The following RNF216 variants were observed in gnomAD, a reference collection of about 807,000 sequenced individuals.
The protein encoded by RNF216 is E3 ubiquitin-protein ligase RNF216.
Under a neutral mutation model 110.8 loss-of-function variants are expected in RNF216, and 72 were observed. The observed-to-expected ratio is 0.65, with a 90% CI of 0.54 to 0.79. The LOEUF (loss-of-function observed/expected upper bound fraction) is 0.79. Among genes scored for constraint, RNF216 ranks in the 30% least tolerant of loss-of-function variants. RNF216 has a pLI of 0.00. For synonymous variants in RNF216, 495 were observed against 407.5 expected (o/e 1.21, Z -2.59); for missense variants, 1,342 against 1,141.2 (o/e 1.18, Z -2.54).
At chr7:5,712,961 A>T (rs1792812117) in intron 11 of RNF216, 98 bp from the exon 12 acceptor site, 3 of 1,083,220 alleles carry the variant, frequency 2.8e-6, no homozygotes, top group Non-Finnish European at 3.9e-6. Context: ...GAGACAACAT[A>T]GCAAGGATCT....
At chr7:5,643,742 A>G (rs1026947028) in intron 14 of RNF216, among the ~76,000 whole-genome samples, 91 of 152,206 alleles carry the variant, frequency 6.0e-4, no homozygotes, top group African/African-American at 2.0e-3. Flanking sequence ...TATTTTGAGT[A>G]TTCACGATGT....
intron 13 of RNF216, among the ~76,000 whole-genome samples, chr7:5,663,578 C>A: frequency 7.5e-6 from 1 of 133,652 alleles, no homozygotes. Context: ...AGCGAGACTC[C>A]ACCTCAGGAA....
chr7:5,668,011 C>A (rs192909305), intron 13 of RNF216, among the ~76,000 whole-genome samples: 3 of 152,088 alleles, frequency 2.0e-5, no homozygotes, highest in Non-Finnish European at 4.4e-5. Context: ...TATTTTAGGG[C>A]GCTGTGTAAA....
At chr7:5,766,109 C>T (rs1584606299) in intron 1 of RNF216, among the ~76,000 whole-genome samples, 1 of 151,914 alleles carries the variant, frequency 6.6e-6, no homozygotes, top group Admixed American at 6.6e-5. Flanking sequence ...TATAGCTAGA[C>T]CCTGTCTCTA....
At chr7:5,658,619 T>C (rs1788895615) in intron 13 of RNF216, among the ~76,000 whole-genome samples, 1 of 143,370 alleles carries the variant, frequency 7.0e-6, no homozygotes. Context: ...ATCAAGCTAC[T>C]GCACTCCAGT....
At chr7:5,722,672 G>C (rs376516312) in intron 8 of RNF216, among the ~76,000 whole-genome samples, 1 of 152,048 alleles carries the variant, frequency 6.6e-6, no homozygotes, top group African/African-American at 2.4e-5. Flanking sequence ...TTACAGGCAT[G>C]AGCCACCGCG....
In RNF216 at chr7:5,706,162, G is replaced by A. The variant is rs544454321; in HGVS notation, c.2061+5599C>T. ...TTGCACCCGGAAGGTGGAGGTTGCA[G>A]TGAGCTGAGATTGCACCACTGCACT... On this transcript the variant is annotated intron_variant, in intron 13 of 16. Transcript: ENST00000389902. Among the ~76,000 whole-genome samples, 5 of 149,438 alleles carry A rather than the reference G, an allele frequency of 3.3e-5. 1 individual carries two copies. The East Asian group carries it at 9.8e-4, about 29-fold the overall frequency.
At chr7:5,742,876 G>A (rs1012937573) in intron 3 of RNF216, among the ~76,000 whole-genome samples, 9 of 152,100 alleles carry the variant, frequency 5.9e-5, no homozygotes, top group Admixed American at 5.2e-4. Context: ...GATTACAGGT[G>A]TGGGGCACCG....
intron 7 of RNF216, among the ~76,000 whole-genome samples, chr7:5,726,139 G>A (rs915020693): frequency 6.6e-6 from 1 of 152,050 alleles, no homozygotes; most frequent in African/African-American, 2.4e-5. Context: ...ATAGCTGGGC[G>A]TGGTGGTCCA....
chr7:5,670,756 T>C (rs1789852330), intron 13 of RNF216, among the ~76,000 whole-genome samples: 2 of 152,150 alleles, frequency 1.3e-5, no homozygotes, highest in Admixed American at 1.3e-4. Context: ...CTCATCTTTG[T>C]TGAGTTGTGT....
intron 8 of RNF216, among the ~76,000 whole-genome samples, chr7:5,724,344 A>G (rs1793622838): frequency 6.6e-6 from 1 of 152,214 alleles, no homozygotes; most frequent in South Asian, 2.1e-4. Context: ...TAAAGGAAGA[A>G]CTGTCTAAAA....
intron 4 of RNF216, among the ~76,000 whole-genome samples, chr7:5,740,346 T>C (rs184723516): frequency 9.1e-4 from 139 of 152,238 alleles, no homozygotes; most frequent in Non-Finnish European, 9.9e-4. Context: ...CAGGATGGTC[T>C]TGATATCCTG....
At chr7:5,731,859 C>T (rs1794109511) in intron 5 of RNF216, among the ~76,000 whole-genome samples, 1 of 145,086 alleles carries the variant, frequency 6.9e-6, no homozygotes, top group Non-Finnish European at 1.5e-5. Context: ...AAGTGCTCAG[C>T]TCTGCTCCTT....
chr7:5,691,628 T>C (rs1192412369), intron 13 of RNF216, among the ~76,000 whole-genome samples: 4 of 152,198 alleles, frequency 2.6e-5, no homozygotes, highest in African/African-American at 4.8e-5. Context: ...GCAACATGTA[T>C]GGCAAAGCAC....
intron 13 of RNF216, among the ~76,000 whole-genome samples, chr7:5,672,761 G>C (rs1299887614): frequency 6.6e-6 from 1 of 152,078 alleles, no homozygotes; most frequent in African/African-American, 2.4e-5. Context: ...GGTGAGCAGC[G>C]CAAGGTAGAG....
Position 5,752,867 on chromosome 7 carries a change from A to C in RNF216, c.180T>G (p.Asp60Glu). 6.2e-7 allele frequency: 1 copy of C among 1,612,298 alleles called. No homozygotes were observed. Among genetic ancestry groups the C allele is most frequent in the Non-Finnish European group, 8.5e-7 (1 of 1,179,306 alleles). Residue 60 changes from aspartate (D) to glutamate (E), a missense_variant, in exon 3 of 17, where the codon GAT becomes GAG. Physicochemically the swap from Asp to Glu is conservative, Grantham distance 45. Coordinates refer to ENST00000389902, the MANE Select transcript of RNF216 (RefSeq NM_207111.4). Reference protein sequence around the residue: ...APQQHEEEDLDDDVILTETNK... With the variant: ...APQQHEEEDLEDDVILTETNK... ...TCACTTCTGTCAGGATGACATCATC[A>C]TCCAGGTCCTCTTCTTCATGCTGCT...
chr7:5,715,009 A>C (rs756766303), intron 11 of RNF216, 44 bp downstream of exon 11: 21 of 1,555,284 alleles, frequency 1.4e-5, no homozygotes, highest in Non-Finnish European at 1.6e-5. Flanking sequence ...CTTAGACTCC[A>C]GGAATGTGTC....
rs1293836496 is a variant in RNF216 at position 5,680,654 on chromosome 7, G to A, written c.2062-28144C>T. Among the ~76,000 whole-genome samples the A allele has an allele frequency of 6.6e-6, 1 of 151,856 alleles. No individual in the cohort carries two copies. The highest frequency in any genetic ancestry group is 1.5e-5 in the Non-Finnish European group (1 of 67,994). ...CCTGACCTTGTGATCTGCCCGACTC[G>A]GCCTCCCAAAGTGCTGGGATTACAG... On this transcript the variant is annotated intron_variant, in intron 13 of 16. Transcript: ENST00000389902. This position sits in a 1 kb window ranked among gnomAD's most constrained non-coding sequence, Gnocchi z 4.3.
intron 12 of RNF216, chr7:5,712,053 T>C: frequency 1.8e-6 from 1 of 556,652 alleles, no homozygotes; most frequent in Non-Finnish European, 3.2e-6. Context: ...CCTGACTGAA[T>C]ATAAACCACT....
Sources: gnomAD v4.1 joint callset for allele counts (sites outside exome capture counted in the v4.1 genomes callset) on GRCh38, gnomAD v4.1.1 for gene constraint, Gnocchi (gnomAD v3.1) non-coding constraint, MANE v1.5 for transcripts, NCBI Gene and HGNC (gene_info 2026-07-23, HGNC 2026-07-21) for gene names.